SNW1: variants seen among roughly 807,000 people sequenced by gnomAD.
The protein encoded by SNW1 is SNW domain-containing protein 1.
SNW1 carries 9 observed loss-of-function variants against 75.6 expected under a neutral mutation model. The observed-to-expected ratio is 0.12, with a 90% CI of 0.07 to 0.21. SNW1 has a LOEUF of 0.21. SNW1 is among the 10% of genes least tolerant of loss of function. The probability of loss-of-function intolerance (pLI) is 1.00; values close to 1 mark genes in which losing one functional copy is unlikely to be tolerated. For synonymous variants in SNW1, 200 were observed against 219.1 expected (o/e 0.91, Z 0.77); for missense variants, 409 against 670.9 (o/e 0.61, Z 4.31).
intron 1 of SNW1, among the ~76,000 whole-genome samples, chr14:77,759,182 G>A (rs989356778): frequency 7.2e-5 from 11 of 152,158 alleles, no homozygotes; most frequent in South Asian, 4.1e-4. Flanking sequence ...TTTAAAGATC[G>A]CATTCTGCCA....
intron 10 of SNW1, among the ~76,000 whole-genome samples, chr14:77,728,754 T>C (rs1019660388): frequency 1.3e-5 from 2 of 152,160 alleles, no homozygotes; most frequent in African/African-American, 4.8e-5. Flanking sequence ...ACTATAAGCC[T>C]TAGTTTCCTC....
At chr14:77,747,737 G>A (rs1019851884) in intron 3 of SNW1, among the ~76,000 whole-genome samples, 23 of 136,920 alleles carry the variant, frequency 1.7e-4, no homozygotes, top group African/African-American at 4.6e-4. Flanking sequence ...CAGCCGCCCC[G>A]TCTGGGAGGG....
intron 1 of SNW1, 165 bp downstream of exon 1, chr14:77,760,949 T>A: frequency 6.6e-7 from 1 of 1,506,578 alleles, no homozygotes; most frequent in Non-Finnish European, 9.2e-7. Flanking sequence ...CAGCTTCGAC[T>A]AGGCCTAGTC....
intron 10 of SNW1, among the ~76,000 whole-genome samples, chr14:77,724,061 ATATT>A (rs1459334463): frequency 6.6e-6 from 1 of 152,360 alleles, no homozygotes; most frequent in East Asian, 1.9e-4. Flanking sequence ...TGCGGCTAAA[ATATT>A]TAAGGGTAAA....
intron 1 of SNW1, among the ~76,000 whole-genome samples, chr14:77,755,696 C>T (rs2080837855): frequency 6.6e-6 from 1 of 150,832 alleles, no homozygotes; most frequent in Admixed American, 6.6e-5. Context: ...GAATTACAGA[C>T]GTGTGCCACC....
chr14:77,729,061 A>G (rs1375122650), intron 10 of SNW1, among the ~76,000 whole-genome samples: 2 of 152,180 alleles, frequency 1.3e-5, no homozygotes, highest in Non-Finnish European at 2.9e-5. Flanking sequence ...TAAGTCATTC[A>G]TATATAACTG....
intron 2 of SNW1, among the ~76,000 whole-genome samples, chr14:77,753,692 C>T (rs537127669): frequency 6.6e-6 from 1 of 152,170 alleles, no homozygotes; most frequent in Non-Finnish European, 1.5e-5. Flanking sequence ...TGGCTCACAC[C>T]TGTAATCCCA....
At chr14:77,732,708 T>C in intron 8 of SNW1, 107 bp from the exon 9 acceptor site, 1 of 686,388 alleles carries the variant, frequency 1.5e-6, no homozygotes, top group Non-Finnish European at 2.5e-6. Flanking sequence ...TCTGTCACCC[T>C]GGCTGGAGGG....
intron 10 of SNW1, among the ~76,000 whole-genome samples, chr14:77,726,832 A>G (rs1053943610): frequency 7.2e-5 from 11 of 151,816 alleles, no homozygotes; most frequent in Non-Finnish European, 1.6e-4. Flanking sequence ...AAAAACCTTT[A>G]TTCCTAGGTA....
chr14:77,736,190 TACTC>T (rs373063943), intron 6 of SNW1, among the ~76,000 whole-genome samples, 184 bp from the exon 7 acceptor site: 52 of 152,350 alleles, frequency 3.4e-4, no homozygotes, highest in African/African-American at 1.2e-3. Context: ...TTGAAACTGT[TACTC>T]ACCCCACCTC....
At chr14:77,735,787 C>T in intron 7 of SNW1, 150 bp downstream of exon 7, 2 of 589,102 alleles carry the variant, frequency 3.4e-6, no homozygotes, top group Middle Eastern at 4.4e-4. Flanking sequence ...TATACATTCT[C>T]ATAAGCATTC....
chr14:77,719,649 A>AAAC (rs112700739), intron 12 of SNW1, among the ~76,000 whole-genome samples: 2 of 150,932 alleles, frequency 1.3e-5, no homozygotes, highest in Non-Finnish European at 3.0e-5. Context: ...TCAGAAAACA[A>AAAC]AAACAAACAA....
chr14:77,753,531 C>CA (rs1444196268), intron 2 of SNW1, among the ~76,000 whole-genome samples: 1 of 152,080 alleles, frequency 6.6e-6, no homozygotes, highest in African/African-American at 2.4e-5. Flanking sequence ...GACTGGCCTT[C>CA]ACACACCAGC....
At chr14:77,742,527 G>A (rs1312392909) in intron 3 of SNW1, among the ~76,000 whole-genome samples, 1 of 152,082 alleles carries the variant, frequency 6.6e-6, no homozygotes, top group Non-Finnish European at 1.5e-5. Flanking sequence ...CAGAAAACTG[G>A]CAAAGAACTA....
chr14:77,734,683 A>G (rs1239973988), intron 8 of SNW1, among the ~76,000 whole-genome samples: 13 of 152,064 alleles, frequency 8.5e-5, no homozygotes. Flanking sequence ...GGCTGCAGTG[A>G]GCTGAGATCA....
intron 1 of SNW1, chr14:77,760,844 A>G: frequency 1.3e-6 from 1 of 749,628 alleles, no homozygotes; most frequent in South Asian, 1.5e-5. Flanking sequence ...CAAGATGCTC[A>G]CGCGAAAAAC....
At chr14:77,730,351 A>G (rs997880854) in intron 10 of SNW1, among the ~76,000 whole-genome samples, 1 of 152,244 alleles carries the variant, frequency 6.6e-6, no homozygotes, top group Non-Finnish European at 1.5e-5. Flanking sequence ...CTGTCTAGCA[A>G]AAACACTTTG....
chr14:77,719,215 C>G (rs1792228272), intron 12 of SNW1, among the ~76,000 whole-genome samples: 1 of 151,852 alleles, frequency 6.6e-6, no homozygotes, highest in South Asian at 2.1e-4. Context: ...ATATTTTCAT[C>G]ACAATTTTTA....
In SNW1 at chr14:77,735,940, T is replaced by C; in HGVS notation, c.705A>G (p.Arg235=). 2 of 1,613,064 alleles carry C rather than the reference T, an allele frequency of 1.2e-6. No individual in the cohort carries two copies. Among genetic ancestry groups the C allele is most frequent in the Non-Finnish European group, 1.7e-6 (2 of 1,179,340 alleles). ...TTTGGACTACAGCAAAGAATACCTT[T>C]CGGCTAGGAGAATGCATGACAGGCG... ...PPAPVMHSPS[R]KMTVKEQQEW... is the part of the protein sequence containing the mutation. The change falls in exon 7 of 14, where the codon CGA becomes CGG. Residue 235 remains arginine (R), a synonymous_variant. Transcript: ENST00000261531.
Sources: gnomAD v4.1 joint callset for allele counts (sites outside exome capture counted in the v4.1 genomes callset) on GRCh38, gnomAD v4.1.1 for gene constraint, MANE v1.5 for transcripts, NCBI Gene and HGNC (gene_info 2026-07-23, HGNC 2026-07-21) for gene names.